ERBB4: variants seen among roughly 807,000 people sequenced by gnomAD.
ERBB4 encodes the protein erb-b2 receptor tyrosine kinase 4.
In ERBB4, 42 loss-of-function variants were observed where a neutral mutation model predicts 158.0. That is an observed-to-expected ratio of 0.27 (90% CI 0.21 to 0.34). ERBB4 has a LOEUF of 0.34. ERBB4 is among the 10% of genes least tolerant of loss of function. ERBB4 has a pLI of 1.00. For missense variants in ERBB4, 1,333 were observed against 1,624.1 expected, an observed-to-expected ratio of 0.82 and a Z score of 3.08; for synonymous variants, 583 against 558.7, an observed-to-expected ratio of 1.04 and a Z score of -0.61.
In ERBB4 at chr2:211,702,093, C is replaced by T. The variant is rs762866612; in HGVS notation, c.1363G>A (p.Ala455Thr). The change falls in exon 12 of 28, where the codon GCA (alanine) becomes ACA (threonine). Residue 455 changes from alanine (A) to threonine (T), a missense_variant. Coordinates refer to ENST00000342788, the MANE Select transcript of ERBB4 (RefSeq NM_005235.3). ...LQFQSLKEISAGNIYITDNSN... is the reference protein window; with the variant it reads ...LQFQSLKEISTGNIYITDNSN... ...TTGTCAGTAATATAGATGTTTCCTG[C>T]GCTGATTTCCTTCAGGGACTGGAAC... 10 of 1,613,794 alleles carry T rather than the reference C, an allele frequency of 6.2e-6. No homozygotes were observed. Among genetic ancestry groups the T allele is most frequent in the African/African-American group, 2.7e-5 (2 of 74,882 alleles).
intron 1 of ERBB4, among the ~76,000 whole-genome samples, chr2:212,282,127 A>C (rs901528724): frequency 1.8e-4 from 27 of 151,894 alleles, no homozygotes; most frequent in African/African-American, 6.0e-4. Flanking sequence ...CTAAATAACA[A>C]TGAAGTGAAC....
intron 3 of ERBB4, among the ~76,000 whole-genome samples, chr2:211,908,016 T>A (rs1054200683): frequency 6.6e-6 from 1 of 151,472 alleles, no homozygotes; most frequent in African/African-American, 2.4e-5. Context: ...TATCTTTGTT[T>A]CTAAGAGTAC....
chr2:211,890,173 C>T (rs2078924760), intron 3 of ERBB4, among the ~76,000 whole-genome samples: 2 of 82,288 alleles, frequency 2.4e-5, no homozygotes, highest in African/African-American at 1.0e-4. Context: ...GGGTTACCCT[C>T]AAAGGGAAGC....
chr2:211,396,796 T>G (rs543297836), intron 25 of ERBB4, among the ~76,000 whole-genome samples: 1 of 152,300 alleles, frequency 6.6e-6, no homozygotes, highest in East Asian at 1.9e-4. Flanking sequence ...ATATCTTCAG[T>G]TATGCTAGTT....
At chr2:211,922,802 G>A (rs2079892907) in intron 3 of ERBB4, among the ~76,000 whole-genome samples, 1 of 152,078 alleles carries the variant, frequency 6.6e-6, no homozygotes, top group Non-Finnish European at 1.5e-5. Flanking sequence ...CTAAGACTTT[G>A]AAGCAAGGGG....
At chr2:211,520,655 G>A (rs2066162263) in intron 20 of ERBB4, among the ~76,000 whole-genome samples, 1 of 152,074 alleles carries the variant, frequency 6.6e-6, no homozygotes, top group Admixed American at 6.5e-5. Flanking sequence ...AAGAGGTACA[G>A]GCATACTTCT....
chr2:211,560,796 G>A (rs1401025208), intron 20 of ERBB4, among the ~76,000 whole-genome samples: 1 of 152,018 alleles, frequency 6.6e-6, no homozygotes, highest in East Asian at 1.9e-4. Flanking sequence ...TGCGAGTTAT[G>A]GTGTATAGAA....
chr2:212,415,009 C>T (rs528846114), intron 1 of ERBB4, among the ~76,000 whole-genome samples: 5 of 152,248 alleles, frequency 3.3e-5, no homozygotes, highest in Non-Finnish European at 5.9e-5. Flanking sequence ...GAGTAACATG[C>T]TTTTTTGTTT....
intron 9 of ERBB4, among the ~76,000 whole-genome samples, chr2:211,707,044 G>A (rs2073472980): frequency 6.6e-6 from 1 of 152,132 alleles, no homozygotes; most frequent in African/African-American, 2.4e-5. Flanking sequence ...GTTCTTTGAT[G>A]AAAAGCAGAG....
intron 20 of ERBB4, among the ~76,000 whole-genome samples, chr2:211,446,861 T>C (rs563236772): frequency 6.6e-6 from 1 of 152,298 alleles, no homozygotes; most frequent in South Asian, 2.1e-4. Flanking sequence ...TCTACGCTTT[T>C]AGTTATAAAT....
At chr2:212,456,778 C>G (rs1326096102) in intron 1 of ERBB4, among the ~76,000 whole-genome samples, 1 of 151,776 alleles carries the variant, frequency 6.6e-6, no homozygotes. Context: ...CAACATATAT[C>G]CATTCAGAAA....
rs1326858174 is a variant in ERBB4, at chr2:211,667,485, C to T, written c.1717-2008G>A. On this transcript the variant is annotated intron_variant, in intron 14 of 27. Transcript: ENST00000342788. The stretch of plus-strand genomic sequence containing the variant: ...CCTATAAAACCTAATCCTGATTCTA[C>T]CTGAGGAGTTTGCTAATGGTAACTT... Among the ~76,000 whole-genome samples, 3 of 150,090 alleles carry T rather than the reference C, an allele frequency of 2.0e-5. No homozygotes were observed. The East Asian group carries it at 5.9e-4, about 30-fold the overall frequency.
intron 1 of ERBB4, among the ~76,000 whole-genome samples, chr2:212,236,768 T>C (rs940393372): frequency 1.3e-5 from 2 of 152,218 alleles, no homozygotes; most frequent in Non-Finnish European, 1.5e-5. Flanking sequence ...GTGTTTATAG[T>C]ATTCTCTGAA....
chr2:211,919,513 C>T (rs1350748658), intron 3 of ERBB4, among the ~76,000 whole-genome samples: 8 of 151,954 alleles, frequency 5.3e-5, no homozygotes, highest in Admixed American at 5.2e-4. Context: ...GAAGAAAAAG[C>T]AAATAACCCT....
chr2:211,826,134 A>G (rs1421879788), intron 3 of ERBB4, among the ~76,000 whole-genome samples: 1 of 151,578 alleles, frequency 6.6e-6, no homozygotes, highest in Non-Finnish European at 1.5e-5. Flanking sequence ...AAACACTAAA[A>G]GTTAAAATTT....
chr2:212,237,642 G>C (rs2083927812), intron 1 of ERBB4, among the ~76,000 whole-genome samples: 1 of 152,188 alleles, frequency 6.6e-6, no homozygotes, highest in Non-Finnish European at 1.5e-5. Flanking sequence ...AGAGCCAGCA[G>C]GCAGGAACAT....
chr2:211,530,607 AG>A (rs1300983009), intron 20 of ERBB4, among the ~76,000 whole-genome samples: 2 of 152,098 alleles, frequency 1.3e-5, no homozygotes, highest in Non-Finnish European at 2.9e-5. Flanking sequence ...TACACTACCA[AG>A]GCCAGGCAGA....
intron 4 of ERBB4, among the ~76,000 whole-genome samples, chr2:211,760,888 T>G (rs982560536): frequency 6.6e-6 from 1 of 152,170 alleles, no homozygotes; most frequent in Non-Finnish European, 1.5e-5. Flanking sequence ...ATAGCATAAG[T>G]ACTACCATTT....
At chr2:211,442,646 ATATG>A (rs2064010072) in intron 20 of ERBB4, among the ~76,000 whole-genome samples, 2 of 152,112 alleles carry the variant, frequency 1.3e-5, no homozygotes, top group East Asian at 3.9e-4. Flanking sequence ...ACACACGTAT[ATATG>A]TGTGTGTTAT....
Sources: gnomAD v4.1 joint callset for allele counts (sites outside exome capture counted in the v4.1 genomes callset) on GRCh38, gnomAD v4.1.1 for gene constraint, MANE v1.5 for transcripts, NCBI Gene and HGNC (gene_info 2026-07-23, HGNC 2026-07-21) for gene names.